MCHR2: variants seen among roughly 807,000 people sequenced by gnomAD.
MCHR2 encodes melanin-concentrating hormone receptor 2.
MCHR2 carries 15 observed loss-of-function variants against 24.8 expected under a neutral mutation model. The observed-to-expected ratio is 0.60, with a 90% CI of 0.40 to 0.93. MCHR2 has a LOEUF of 0.93. Ranked by LOEUF, MCHR2 falls within the 40% of genes least tolerant of loss-of-function variation. The pLI, the probability that MCHR2 is intolerant of heterozygous loss-of-function variation, is 0.00. For missense variants in MCHR2, 386 were observed against 408.7 expected (o/e 0.94, Z 0.48); for synonymous variants, 151 against 147.6 (o/e 1.02, Z -0.17).
At chr6:99,934,960 C>A (rs981585184) in intron 4 of MCHR2, among the ~76,000 whole-genome samples, 2 of 152,038 alleles carry the variant, frequency 1.3e-5, no homozygotes, top group Non-Finnish European at 2.9e-5. Context: ...GGTCAAGTGG[C>A]TTGCCCAAGA....
intron 3 of MCHR2, among the ~76,000 whole-genome samples, chr6:99,943,482 C>A (rs1485654115): frequency 6.6e-6 from 1 of 151,600 alleles, no homozygotes; most frequent in African/African-American, 2.4e-5. Context: ...CTATCCCTCT[C>A]CCCTCCCCCA....
chr6:99,972,951 T>G (rs1216378967), intron 1 of MCHR2, among the ~76,000 whole-genome samples: 1 of 152,224 alleles, frequency 6.6e-6, no homozygotes, highest in Non-Finnish European at 1.5e-5. Flanking sequence ...TTCTGTTCTT[T>G]TACATTTGCT....
intron 1 of MCHR2, among the ~76,000 whole-genome samples, chr6:99,965,168 T>C (rs1180340813): frequency 6.6e-6 from 1 of 152,116 alleles, no homozygotes; most frequent in African/African-American, 2.4e-5. Context: ...AAAAGTATTG[T>C]TAAAAAACCA....
At chr6:99,980,185 G>A (rs1288448558) in intron 1 of MCHR2, among the ~76,000 whole-genome samples, 1 of 152,056 alleles carries the variant, frequency 6.6e-6, no homozygotes, top group Non-Finnish European at 1.5e-5. Context: ...ACCTGCTATG[G>A]GCCCTTGTTA....
Position 99,962,157 on chromosome 6 carries a change from G to A in MCHR2, c.-27-5983C>T, listed in dbSNP as rs549995675. The stretch of plus-strand genomic sequence containing the variant: ...TTATTAAGTAAAATAAGGGTTACTT[G>A]AACACAAGCACTGCTACACTGTGAC... On this transcript the variant is annotated intron_variant, in intron 1 of 5. Coordinates refer to ENST00000281806, the MANE Select transcript of MCHR2 (RefSeq NM_001040179.2). Among the ~76,000 whole-genome samples the A allele has an allele frequency of 2.0e-5, 3 of 152,226 alleles. No homozygotes were observed. The South Asian group carries it at 6.2e-4, about 32-fold the overall frequency.
chr6:99,989,385 T>C (rs1475869708), intron 1 of MCHR2, among the ~76,000 whole-genome samples: 1 of 152,236 alleles, frequency 6.6e-6, no homozygotes, highest in African/African-American at 2.4e-5. Flanking sequence ...AAGTACCTTA[T>C]GTACATTACC....
At chr6:99,930,738 G>T (rs553209089) in intron 5 of MCHR2, among the ~76,000 whole-genome samples, 2 of 151,986 alleles carry the variant, frequency 1.3e-5, no homozygotes, top group African/African-American at 2.4e-5. Flanking sequence ...TTATGCATTC[G>T]TCTAAATTTT....
chr6:99,971,737 C>A (rs1333379470), intron 1 of MCHR2, among the ~76,000 whole-genome samples: 1 of 152,184 alleles, frequency 6.6e-6, no homozygotes, highest in Non-Finnish European at 1.5e-5. Flanking sequence ...TACGTCCCAC[C>A]AATACCTAAT....
At chr6:99,973,965 C>T (rs1775493955) in intron 1 of MCHR2, among the ~76,000 whole-genome samples, 2 of 152,146 alleles carry the variant, frequency 1.3e-5, no homozygotes, top group African/African-American at 2.4e-5. Context: ...GTGGGTAACC[C>T]GACCTTTCTT....
intron 4 of MCHR2, among the ~76,000 whole-genome samples, chr6:99,940,848 C>T (rs943213441): frequency 2.6e-5 from 4 of 152,006 alleles, no homozygotes; most frequent in Non-Finnish European, 5.9e-5. Flanking sequence ...GGAGATATCC[C>T]GGAGGTGTGG....
intron 5 of MCHR2, among the ~76,000 whole-genome samples, chr6:99,933,002 C>T (rs1417220377): frequency 6.8e-6 from 1 of 147,670 alleles, no homozygotes; most frequent in Admixed American, 6.8e-5. Context: ...TCTGTACTAT[C>T]TGTACTATAT....
At chr6:99,923,746 T>C (rs1471566433) in intron 5 of MCHR2, among the ~76,000 whole-genome samples, 1 of 152,112 alleles carries the variant, frequency 6.6e-6, no homozygotes, top group African/African-American at 2.4e-5. Context: ...CGTTGAATCA[T>C]CCTGGCACCC....
In MCHR2 at chr6:99,920,048, T is replaced by G. The variant is rs375600883; in HGVS notation, c.*892A>C. 1.3e-5 allele frequency: 2 copies of G among 152,324 alleles called. No individual in the cohort carries two copies. The highest frequency in any genetic ancestry group is 1.9e-4 in the East Asian group (1 of 5,186). The allele number at this position is 152,324 out of a possible 1,614,324, so 9.4% of individuals were successfully genotyped here. On this transcript the variant is annotated 3_prime_UTR_variant, in exon 6 of 6. Transcript: ENST00000281806. ...GCCAGGAATGTTTCCTAATTATGCT[T>G]AAAGTCCAGAAGTAAAGTATTATTA... is the stretch of plus-strand genomic sequence containing the variant.
At chr6:99,985,358 C>T (rs539435377) in intron 1 of MCHR2, among the ~76,000 whole-genome samples, 255 of 152,202 alleles carry the variant, frequency 1.7e-3, no homozygotes, top group African/African-American at 5.8e-3. Flanking sequence ...AAAAAAGAGT[C>T]TGAATAGCCA....
At chr6:99,929,656 GC>G (rs1253838306) in intron 5 of MCHR2, among the ~76,000 whole-genome samples, 1 of 151,970 alleles carries the variant, frequency 6.6e-6, no homozygotes, top group African/African-American at 2.4e-5. Flanking sequence ...GACTAGGATT[GC>G]AACCCCTGCC....
chr6:99,973,985 C>G (rs1373460329), intron 1 of MCHR2, among the ~76,000 whole-genome samples: 3 of 152,146 alleles, frequency 2.0e-5, no homozygotes, highest in East Asian at 1.9e-4. Flanking sequence ...TTCTGGCTGC[C>G]CTTAACATTT....
At chr6:99,927,505 AT>A (rs1453738399) in intron 5 of MCHR2, among the ~76,000 whole-genome samples, 8 of 152,028 alleles carry the variant, frequency 5.3e-5, no homozygotes, top group Admixed American at 2.0e-4. Flanking sequence ...ATCCTCTTTT[AT>A]TTCATTGGGC....
At chr6:99,940,025 T>C (rs1262071917) in intron 4 of MCHR2, among the ~76,000 whole-genome samples, 1 of 151,994 alleles carries the variant, frequency 6.6e-6, no homozygotes, top group Non-Finnish European at 1.5e-5. Context: ...TCTATCTTTG[T>C]CTTTGACTTT....
At chr6:99,986,332 T>TA (rs1775767601) in intron 1 of MCHR2, among the ~76,000 whole-genome samples, 1 of 152,068 alleles carries the variant, frequency 6.6e-6, no homozygotes, top group African/African-American at 2.4e-5. Context: ...TATCTACCCC[T>TA]AAAAAAGAAA....
Sources: gnomAD v4.1 joint callset for allele counts (sites outside exome capture counted in the v4.1 genomes callset) on GRCh38, gnomAD v4.1.1 for gene constraint, MANE v1.5 for transcripts, NCBI Gene and HGNC (gene_info 2026-07-23, HGNC 2026-07-21) for gene names.